The following FAP variants were observed in gnomAD, a reference collection of about 807,000 sequenced individuals.
FAP encodes prolyl endopeptidase FAP.
In FAP, 110 loss-of-function variants were observed where a neutral mutation model predicts 126.5. That is an observed-to-expected ratio of 0.87 (90% CI 0.74 to 1.02). FAP has a LOEUF of 1.02. Among genes scored for constraint, FAP ranks in the 50% least tolerant of loss-of-function variants. FAP has a pLI of 0.00. For synonymous variants in FAP, 334 were observed against 297.3 expected (o/e 1.12, Z -1.27); for missense variants, 919 against 909.2 (o/e 1.01, Z -0.14).
rs751400768 is a variant in FAP, at chr2:162,189,221, G to A, written c.1550-49C>T. On this transcript the variant is annotated intron_variant, in intron 18 of 25. Coordinates refer to ENST00000188790, the MANE Select transcript of FAP (RefSeq NM_004460.5). ...AAATCTTCATTCCACAGCACTAGTA[G>A]CATCATTTATTGTCTTTAATAACAA... The A allele has an allele frequency of 3.6e-6, 4 of 1,120,472 alleles. No individual in the cohort carries two copies. The South Asian group carries it at 5.9e-5, about 17-fold the overall frequency. 69.4% of individuals were successfully genotyped at this position (1,120,472 alleles called of 1,614,324 possible). A position where few individuals can be genotyped will look rare whatever the true frequency, so the allele number is the denominator to read the frequency against.
chr2:162,223,145 G>T (rs1418921230), intron 6 of FAP, among the ~76,000 whole-genome samples: 1 of 152,012 alleles, frequency 6.6e-6, no homozygotes, highest in African/African-American at 2.4e-5. Flanking sequence ...TAAAAATAAT[G>T]TTAACATTTT....
At chr2:162,189,582 C>T in intron 18 of FAP, 74 bp downstream of exon 18, 4 of 792,990 alleles carry the variant, frequency 5.0e-6, no homozygotes, top group Non-Finnish European at 8.5e-6. Flanking sequence ...GTAACATTCA[C>T]TCTATGCTTT....
chr2:162,223,668 AAAG>A lies in FAP; in HGVS notation c.361-11_361-9del, dbSNP rs781305889. 2.7e-5 allele frequency: 43 copies of A among 1,604,940 alleles called. No homozygotes were observed. The highest frequency in any genetic ancestry group is 3.7e-5 in the Non-Finnish European group (43 of 1,172,212). ...GTAAGAGTATCTCCAAAGCTGTCAG[AAAG>A]AAGAAAGACAAAAAACAAATTGCAG... is the stretch of plus-strand genomic sequence containing the variant. On this transcript the variant is annotated splice_polypyrimidine_tract_variant and intron_variant, in intron 5 of 25. Coordinates refer to ENST00000188790, the MANE Select transcript of FAP (RefSeq NM_004460.5).
intron 25 of FAP, chr2:162,171,446 A>T (rs1281161150): frequency 1.2e-5 from 2 of 173,524 alleles, no homozygotes; most frequent in Admixed American, 1.1e-4. Context: ...GTTGGAGTTG[A>T]TTTTCCCTAA....
At chr2:162,214,162 T>C in intron 10 of FAP, 89 bp from the exon 11 acceptor site, 1 of 1,271,160 alleles carries the variant, frequency 7.9e-7, no homozygotes, top group Non-Finnish European at 1.1e-6. Context: ...AAAGGATATA[T>C]GTCATTATTA....
At chr2:162,185,246 G>A (rs1463907917) in intron 20 of FAP, among the ~76,000 whole-genome samples, 1 of 152,146 alleles carries the variant, frequency 6.6e-6, no homozygotes, top group African/African-American at 2.4e-5. Context: ...GTTGGCCCAA[G>A]GCCAAGGTAA....
At chr2:162,202,210 T>C (rs1403949668) in intron 14 of FAP, among the ~76,000 whole-genome samples, 2 of 152,234 alleles carry the variant, frequency 1.3e-5, no homozygotes, top group African/African-American at 4.8e-5. Flanking sequence ...AATGATTATT[T>C]GAAGATGGTT....
intron 2 of FAP, among the ~76,000 whole-genome samples, chr2:162,237,012 A>G (rs890840391): frequency 6.6e-6 from 1 of 152,206 alleles, no homozygotes; most frequent in African/African-American, 2.4e-5. Context: ...TTTTGATACT[A>G]AATAATACTG....
chr2:162,198,895 A>G lies in FAP; in HGVS notation c.1278-14T>C. The G allele has an allele frequency of 6.2e-7, 1 of 1,612,188 alleles. No individual in the cohort carries two copies. The highest frequency in any genetic ancestry group is 1.7e-5 in the Admixed American group (1 of 59,926). On this transcript the variant is annotated splice_polypyrimidine_tract_variant and intron_variant, in intron 15 of 25. Transcript: ENST00000188790. Reference sequence around the variant, plus strand: ...CCAATGCTAATTCTAGAGGGAAATGAAAATAAAACTAAGCTGAAATTTTGA... The same window carrying G: ...CCAATGCTAATTCTAGAGGGAAATGGAAATAAAACTAAGCTGAAATTTTGA...
chr2:162,197,797 C>CT, intron 16 of FAP: 1 of 357,544 alleles, frequency 2.8e-6, no homozygotes, highest in Admixed American at 3.8e-5. Context: ...CCACATACCC[C>CT]TACCAGGGGA....
chr2:162,243,170 C>A, intron 1 of FAP, 152 bp downstream of exon 1: 1 of 793,502 alleles, frequency 1.3e-6, no homozygotes, highest in South Asian at 1.7e-5. Context: ...AATGTTTCTA[C>A]AGTATATTTA....
chr2:162,177,682 C>T (rs891075988), intron 21 of FAP, among the ~76,000 whole-genome samples: 1 of 152,142 alleles, frequency 6.6e-6, no homozygotes, highest in Admixed American at 6.6e-5. Context: ...CGCTTAACGT[C>T]ATTTAACACT....
intron 5 of FAP, among the ~76,000 whole-genome samples, chr2:162,224,137 G>A (rs1261727257): frequency 6.6e-6 from 1 of 152,040 alleles, no homozygotes; most frequent in Non-Finnish European, 1.5e-5. Flanking sequence ...CTTTCTTTGA[G>A]TACAGTTTTA....
At position 162,188,392 on chromosome 2, in the gene FAP, C is replaced by T. The variant is rs571721576; in HGVS notation, c.1620-29G>A. 1.2e-4 allele frequency: 196 copies of T among 1,587,220 alleles called. 2 individuals are homozygous for T. The Middle Eastern group carries it at 2.0e-3, about 16-fold the overall frequency. ...AAGGAAAAACAAAAAAAACAAGAAT[C>T]TTTGATTGCTTTGTAAAACTCAATT... On this transcript the variant is annotated intron_variant, in intron 19 of 25. Coordinates refer to ENST00000188790, the MANE Select transcript of FAP (RefSeq NM_004460.5).
chr2:162,189,047 T>C, intron 19 of FAP, 56 bp downstream of exon 19: 1 of 1,117,906 alleles, frequency 8.9e-7, no homozygotes. Context: ...TAAATGTGTA[T>C]TTCATCTAAC....
chr2:162,179,314 G>A (rs1225329504), intron 21 of FAP, among the ~76,000 whole-genome samples: 3 of 136,858 alleles, frequency 2.2e-5, no homozygotes, highest in African/African-American at 5.6e-5. Flanking sequence ...TTTGTGATTT[G>A]CCAAATTATT....
In FAP at chr2:162,170,991, A is replaced by C; in HGVS notation, c.2271T>G (p.Ser757=). Residue 757 remains serine, a synonymous_variant, in exon 26 of 26, where the codon TCT becomes TCG. Transcript: ENST00000188790. ...ATCTGCATCGTTTTTAGTCTGACAA[A>C]GAGAAACACTGCTTTAGGAAGTGGG... ...HMTHFLKQCF[S]LSD 1 of 1,613,020 alleles carries C rather than the reference A, an allele frequency of 6.2e-7. No homozygotes were observed. The highest frequency in any genetic ancestry group is 1.7e-5 in the Admixed American group (1 of 59,962).
At chr2:162,182,605 C>T (rs2106220826) in intron 21 of FAP, among the ~76,000 whole-genome samples, 1 of 152,282 alleles carries the variant, frequency 6.6e-6, no homozygotes, top group South Asian at 2.1e-4. Flanking sequence ...GTGCAGGCCG[C>T]TCTCAGAGAA....
At chr2:162,227,881 C>T (rs1402334325) in intron 2 of FAP, among the ~76,000 whole-genome samples, 2 of 152,134 alleles carry the variant, frequency 1.3e-5, no homozygotes, top group Non-Finnish European at 2.9e-5. Context: ...CTATATACTT[C>T]CTCTGAGAAG....
Sources: gnomAD v4.1 joint callset for allele counts (sites outside exome capture counted in the v4.1 genomes callset) on GRCh38, gnomAD v4.1.1 for gene constraint, MANE v1.5 for transcripts, NCBI Gene and HGNC (gene_info 2026-07-23, HGNC 2026-07-21) for gene names.